The following SRRM1 variants were observed in gnomAD, a reference collection of about 807,000 sequenced individuals.
The protein encoded by SRRM1 is serine/arginine repetitive matrix protein 1.
SRRM1 carries 19 observed loss-of-function variants against 110.2 expected under a neutral mutation model. That is an observed-to-expected ratio of 0.17 (90% CI 0.12 to 0.25). The LOEUF (loss-of-function observed/expected upper bound fraction) is 0.25, where lower values mean the gene tolerates loss of function less well. Among genes scored for constraint, SRRM1 ranks in the 10% least tolerant of loss-of-function variants. The probability of loss-of-function intolerance (pLI) is 1.00; values close to 1 mark genes in which losing one functional copy is unlikely to be tolerated. For missense variants in SRRM1, 918 were observed against 1,145.8 expected, an observed-to-expected ratio of 0.80 and a Z score of 2.87; for synonymous variants, 443 against 414.9, an observed-to-expected ratio of 1.07 and a Z score of -0.82.
In SRRM1 at chr1:24,671,503, G is replaced by A. The variant is rs751229827; in HGVS notation, c.2518G>A (p.Ala840Thr). 15 of 1,612,240 alleles carry A rather than the reference G, an allele frequency of 9.3e-6. No individual in the cohort carries two copies. The South Asian group carries it at 1.5e-4, about 17-fold the overall frequency. The change falls in exon 16 of 17, where the codon GCT (alanine) becomes ACT (threonine). Residue 840 changes from alanine to threonine, a missense_variant. Physicochemically the swap from Ala to Thr is moderately conservative, Grantham distance 58. Coordinates refer to ENST00000323848, the MANE Select transcript of SRRM1 (RefSeq NM_005839.4). ...KHKKEKAVAA[A>T]AAAAVTPAAI... ...CAAGAAGGAAAAGGCTGTGGCTGCA[G>A]CTGCTGCAGCTGCTGTGACCCCTGC...
chr1:24,663,569 T>TG (rs1235920462), intron 12 of SRRM1, among the ~76,000 whole-genome samples: 3 of 152,014 alleles, frequency 2.0e-5, no homozygotes, highest in African/African-American at 7.2e-5. Context: ...TCCTTAGATT[T>TG]GGGGGGAGGG....
intron 9 of SRRM1, 119 bp downstream of exon 9, chr1:24,655,248 A>G (rs1663358928): frequency 1.7e-6 from 2 of 1,151,238 alleles, no homozygotes; most frequent in South Asian, 1.5e-5. Context: ...TGTATCTAAT[A>G]CTCTCTGTAG....
At chr1:24,648,791 GT>G in intron 3 of SRRM1, 67 bp from the exon 4 acceptor site, 1 of 1,438,514 alleles carries the variant, frequency 7.0e-7, no homozygotes, top group East Asian at 2.3e-5. Flanking sequence ...TGAGTTTTAG[GT>G]TGGTTGATTT....
rs749728696 is a variant in SRRM1, at chr1:24,648,844, C to T, written c.235-15C>T. On this transcript the variant is annotated splice_polypyrimidine_tract_variant and intron_variant, in intron 3 of 16. Coordinates refer to ENST00000323848, the MANE Select transcript of SRRM1 (RefSeq NM_005839.4). ...TGAAGTAACCTGTTTTTCTTCCTGT[C>T]GTGTCTTTTTGCAGAATCCAGACTC... 81 of 1,605,176 alleles carry T rather than the reference C, an allele frequency of 5.0e-5. No homozygotes were observed. The African/African-American group carries it at 7.3e-4, about 14-fold the overall frequency.
intron 12 of SRRM1, among the ~76,000 whole-genome samples, chr1:24,666,358 A>G (rs914589110): frequency 1.3e-5 from 2 of 152,186 alleles, no homozygotes; most frequent in Non-Finnish European, 2.9e-5. Context: ...CTTGACCTGT[A>G]GTTTGAAAAA....
chr1:24,657,826 G>A (rs940699274), intron 9 of SRRM1, among the ~76,000 whole-genome samples: 2 of 152,116 alleles, frequency 1.3e-5, no homozygotes, highest in African/African-American at 4.8e-5. Flanking sequence ...GTGACGGTGT[G>A]GTAATTTTGA....
intron 12 of SRRM1, among the ~76,000 whole-genome samples, chr1:24,665,940 T>A (rs1669765968): frequency 6.6e-6 from 1 of 152,060 alleles, no homozygotes; most frequent in African/African-American, 2.4e-5. Flanking sequence ...CAAAAAAAAT[T>A]AAGAGCTTGG....
chr1:24,661,115 A>G (rs1450799799), intron 10 of SRRM1, 195 bp from the exon 11 acceptor site: 2 of 550,154 alleles, frequency 3.6e-6, no homozygotes, highest in African/African-American at 3.8e-5. Context: ...GCCTAAATAA[A>G]TTTTATTATA....
At chr1:24,662,435 A>G (rs1344354780) in intron 11 of SRRM1, among the ~76,000 whole-genome samples, 4 of 152,220 alleles carry the variant, frequency 2.6e-5, no homozygotes, top group Non-Finnish European at 4.4e-5. Context: ...AGAGTATGCC[A>G]TCTTGATTGG....
In SRRM1 at chr1:24,672,393, T is replaced by A; in HGVS notation, c.*107T>A. 1 of 748,446 alleles carries A rather than the reference T, an allele frequency of 1.3e-6. No individual in the cohort carries two copies. The highest frequency in any genetic ancestry group is 2.1e-6 in the Non-Finnish European group (1 of 469,442). 46.4% of individuals were successfully genotyped at this position (748,446 alleles called of 1,614,324 possible). On this transcript the variant is annotated 3_prime_UTR_variant, in exon 17 of 17. Coordinates refer to ENST00000323848, the MANE Select transcript of SRRM1 (RefSeq NM_005839.4). Reference sequence around the variant, plus strand: ...TAGACTATAACATTTGTTGTAATAATTGCTAGGTTGAAGTTCAACATGTAA... The same window carrying A: ...TAGACTATAACATTTGTTGTAATAAATGCTAGGTTGAAGTTCAACATGTAA...
intron 6 of SRRM1, 45 bp downstream of exon 6, chr1:24,651,657 T>C (rs373573553): frequency 7.3e-7 from 1 of 1,365,272 alleles, no homozygotes; most frequent in East Asian, 2.3e-5. Flanking sequence ...AATTTTAGAT[T>C]AATAGTGACT....
chr1:24,668,481 A>G (rs980752888), intron 13 of SRRM1, among the ~76,000 whole-genome samples: 2 of 152,222 alleles, frequency 1.3e-5, no homozygotes, highest in East Asian at 1.9e-4. Context: ...GCCTATTGTA[A>G]AGCTAACTCT....
chr1:24,643,468 C>G (rs1018150016), intron 1 of SRRM1, 121 bp downstream of exon 1: 2 of 808,952 alleles, frequency 2.5e-6, no homozygotes, highest in African/African-American at 3.9e-5. Flanking sequence ...AAGGATTCCT[C>G]CTAGAGCCGG....
chr1:24,662,860 G>C (rs1011519716), intron 12 of SRRM1, 56 bp downstream of exon 12: 5 of 1,576,964 alleles, frequency 3.2e-6, no homozygotes, highest in Non-Finnish European at 3.5e-6. Flanking sequence ...GATGAAATTT[G>C]ATAACTTGGG....
chr1:24,663,361 T>A (rs1668209854), intron 12 of SRRM1: 1 of 553,928 alleles, frequency 1.8e-6, no homozygotes, highest in Non-Finnish European at 3.1e-6. Context: ...TAAGTTGTTT[T>A]GGTTTGAGTA....
intron 11 of SRRM1, 100 bp from the exon 12 acceptor site, chr1:24,662,560 T>C: frequency 8.6e-7 from 1 of 1,169,244 alleles, no homozygotes; most frequent in Non-Finnish European, 1.2e-6. Flanking sequence ...TATACATGCT[T>C]GCTTACCCTA....
At chr1:24,663,752 C>T in intron 12 of SRRM1, among the ~76,000 whole-genome samples, 1 of 151,806 alleles carries the variant, frequency 6.6e-6, no homozygotes, top group East Asian at 1.9e-4. Flanking sequence ...TGGCGCGTGC[C>T]TGTAATCCCA....
chr1:24,652,168 C>A (rs1661335934), intron 6 of SRRM1, among the ~76,000 whole-genome samples: 1 of 149,346 alleles, frequency 6.7e-6, no homozygotes. Flanking sequence ...TGCAGTGAGC[C>A]AAAATCATGC....
Position 24,654,972 on chromosome 1 carries a change from T to A in SRRM1, c.1158T>A (p.Arg386=), listed in dbSNP as rs1251536623. The A allele has an allele frequency of 6.2e-7, 1 of 1,614,016 alleles. No individual in the cohort carries two copies. Among genetic ancestry groups the A allele is most frequent in the Admixed American group, 1.7e-5 (1 of 60,000 alleles). ...KRTSSPPRKT[R]RLSPSASPPR... Reference sequence around the variant, plus strand: ...CATCCAGCCCCCCTCGGAAAACTCGTAGGTTATCTCCTTCAGCAAGTCCTC... The same window carrying A: ...CATCCAGCCCCCCTCGGAAAACTCGAAGGTTATCTCCTTCAGCAAGTCCTC... Residue 386 remains arginine (R), a synonymous_variant, in exon 9 of 17, where the codon CGT becomes CGA. Coordinates refer to ENST00000323848, the MANE Select transcript of SRRM1 (RefSeq NM_005839.4).
Sources: gnomAD v4.1 joint callset for allele counts (sites outside exome capture counted in the v4.1 genomes callset) on GRCh38, gnomAD v4.1.1 for gene constraint, MANE v1.5 for transcripts, NCBI Gene and HGNC (gene_info 2026-07-23, HGNC 2026-07-21) for gene names.